The following ADA variants were observed in gnomAD, a reference collection of about 807,000 sequenced individuals.
ADA encodes adenosine deaminase, also known as adenosine aminohydrolase.
ADA carries 45 observed loss-of-function variants against 49.0 expected under a neutral mutation model. The ratio of observed to expected loss-of-function variants is 0.92; its 90% CI spans 0.72 to 1.18. The LOEUF (loss-of-function observed/expected upper bound fraction) is 1.18. Ranked by LOEUF, ADA falls within the 50% of genes most tolerant of loss-of-function variation. ADA has a pLI of 0.00. For missense variants in ADA, 445 were observed against 472.5 expected, an observed-to-expected ratio of 0.94 and a Z score of 0.54; for synonymous variants, 173 against 184.2, an observed-to-expected ratio of 0.94 and a Z score of 0.49.
intron 2 of ADA, among the ~76,000 whole-genome samples, chr20:44,633,882 C>T (rs1410247091): frequency 6.6e-6 from 1 of 152,246 alleles, no homozygotes; most frequent in Non-Finnish European, 1.5e-5. Flanking sequence ...TTGGGCCTAG[C>T]AGGGCTCAGG....
chr20:44,622,729 C>T, intron 8 of ADA, 77 bp from the exon 9 acceptor site: 1 of 1,613,192 alleles, frequency 6.2e-7, no homozygotes, highest in Non-Finnish European at 8.5e-7. Context: ...GGGCCTGGGG[C>T]CACCCCTCGA....
At chr20:44,648,580 G>A (rs1272493511) in intron 1 of ADA, among the ~76,000 whole-genome samples, 1 of 152,056 alleles carries the variant, frequency 6.6e-6, no homozygotes, top group Non-Finnish European at 1.5e-5. Flanking sequence ...AGTGGTTGCG[G>A]TTCTTCTGCT....
intron 1 of ADA, among the ~76,000 whole-genome samples, chr20:44,648,495 A>G (rs1324635325): frequency 6.6e-6 from 1 of 152,068 alleles, no homozygotes; most frequent in Admixed American, 6.5e-5. Flanking sequence ...GTTTTGGGTT[A>G]AATGAAGGTT....
intron 4 of ADA, chr20:44,626,248 C>T (rs1242995116): frequency 1.4e-6 from 1 of 706,112 alleles, no homozygotes; most frequent in Non-Finnish European, 2.4e-6. Context: ...CACTTGTGCC[C>T]AAGGTAAGAA....
intron 1 of ADA, among the ~76,000 whole-genome samples, chr20:44,645,558 G>T (rs1414658393): frequency 6.6e-6 from 1 of 152,028 alleles, no homozygotes; most frequent in Non-Finnish European, 1.5e-5. Context: ...GGAGGCAGAG[G>T]TTGTAGTGAG....
chr20:44,620,639 C>T lies in ADA; in HGVS notation c.976-238G>A. On this transcript the variant is annotated intron_variant, in intron 10 of 11. Transcript: ENST00000372874. ...GGAAGTTGGAGAAACCTTTGAGAGA[C>T]AGGGTGGCATGTAGGGGGCCAGAGA... The T allele has an allele frequency of 1.8e-5, 11 of 601,788 alleles. No individual in the cohort carries two copies. In the South Asian group the frequency reaches 2.1e-4, roughly 11 times the overall value. The allele number at this position is 601,788 out of a possible 1,614,324, so 37.3% of individuals were successfully genotyped here.
At chr20:44,634,862 A>G (rs1487372999) in intron 2 of ADA, among the ~76,000 whole-genome samples, 2 of 152,238 alleles carry the variant, frequency 1.3e-5, no homozygotes, top group Non-Finnish European at 2.9e-5. Flanking sequence ...TATGGAGCAG[A>G]AATGTTCAAA....
chr20:44,643,308 A>G (rs2065555356), intron 1 of ADA, among the ~76,000 whole-genome samples: 2 of 152,210 alleles, frequency 1.3e-5, no homozygotes, highest in African/African-American at 4.8e-5. Flanking sequence ...TCAAAGAAGT[A>G]CCCCAAAACA....
intron 2 of ADA, among the ~76,000 whole-genome samples, chr20:44,634,148 A>G (rs1452179412): frequency 6.6e-6 from 1 of 152,156 alleles, no homozygotes; most frequent in Non-Finnish European, 1.5e-5. Flanking sequence ...GCTGCAGCTG[A>G]TGAGCCCTCC....
At position 44,622,617 on chromosome 20, in the gene ADA, C is replaced by T; in HGVS notation, c.816G>A (p.Trp272Ter). Residue 272 changes from tryptophan (W) to a stop codon, truncating the protein, a stop_gained, in exon 9 of 12, where the codon TGG becomes TGA. Coordinates refer to ENST00000372874, the MANE Select transcript of ADA (RefSeq NM_000022.4). LOFTEE classifies it high-confidence loss of function. ...TGACTGCATGCTCCGTGTCCGGCTT[C>T]CAGGCACCAGTGAGGTAGCTGGACC... ...CPWSSYLTGAWKPDTEHAVIR... is the reference protein window; with the variant it reads ...CPWSSYLTGA 6.2e-7 allele frequency: 1 copy of T among 1,614,258 alleles called. No homozygotes were observed. The highest frequency in any genetic ancestry group is 8.5e-7 in the Non-Finnish European group (1 of 1,180,046).
intron 1 of ADA, among the ~76,000 whole-genome samples, chr20:44,646,515 C>T (rs2065593389): frequency 6.6e-6 from 1 of 150,790 alleles, no homozygotes; most frequent in African/African-American, 2.5e-5. Context: ...CTACTGCAAC[C>T]CCCACTCCAG....
At chr20:44,623,914 CT>C (rs766187117) in intron 6 of ADA, 89 of 453,054 alleles carry the variant, frequency 2.0e-4, no homozygotes, top group Middle Eastern at 6.3e-4. Flanking sequence ...TGCCTGACTA[CT>C]TTTTTTTGTA....
chr20:44,630,004 C>T (rs924993501), intron 2 of ADA, among the ~76,000 whole-genome samples: 1 of 148,958 alleles, frequency 6.7e-6, no homozygotes, highest in Admixed American at 6.7e-5. Context: ...TTTCCCCCCC[C>T]TTTTTTTTTT....
intron 2 of ADA, among the ~76,000 whole-genome samples, chr20:44,632,431 G>A (rs1007824148): frequency 3.3e-5 from 5 of 152,154 alleles, no homozygotes; most frequent in Non-Finnish European, 5.9e-5. Flanking sequence ...TGGCTGCTGC[G>A]TGGGAAACAA....
intron 2 of ADA, among the ~76,000 whole-genome samples, chr20:44,633,606 G>C (rs895321271): frequency 9.9e-5 from 15 of 152,210 alleles, no homozygotes; most frequent in Admixed American, 7.2e-4. Context: ...AGAGAGGAAG[G>C]CCAGAGTAGA....
At chr20:44,636,140 G>T in intron 2 of ADA, 87 bp downstream of exon 2, 1 of 1,223,138 alleles carries the variant, frequency 8.2e-7, no homozygotes, top group South Asian at 1.3e-5. Context: ...AAGGAACAGT[G>T]ACCCTGGAAT....
rs1190381881 is a variant in ADA, at chr20:44,648,335, GCA to G, written c.33+3238_33+3239del. 5.3e-5 allele frequency among the ~76,000 whole-genome samples: 8 copies of G among 152,092 alleles called. 1 individual carries two copies. The highest frequency in any genetic ancestry group is 1.9e-4 in the African/African-American group (8 of 41,338). ...CCCTGACGATGACCCTGCATGGCAG[GCA>G]CACTTGAATGGGTGTTCAGAGTTCT... On this transcript the variant is annotated intron_variant, in intron 1 of 11. Transcript: ENST00000372874.
At position 44,625,698 on chromosome 20, in the gene ADA, G is replaced by T. The variant is rs1412642140; in HGVS notation, c.363-14C>A. 7 of 1,550,528 alleles carry T rather than the reference G, an allele frequency of 4.5e-6. No homozygotes were observed. The highest frequency in any genetic ancestry group is 5.2e-6 in the Non-Finnish European group (6 of 1,144,654). On this transcript the variant is annotated splice_polypyrimidine_tract_variant and intron_variant, in intron 4 of 11. Coordinates refer to ENST00000372874, the MANE Select transcript of ADA (RefSeq NM_000022.4). Reference sequence around the variant, plus strand: ...GTGAGGTCCCCTCTGTGTGAGGAGAGGAGTAGGGATGGGCCTGAGGCAAAA... The same window carrying T: ...GTGAGGTCCCCTCTGTGTGAGGAGATGAGTAGGGATGGGCCTGAGGCAAAA...
At position 44,622,691 on chromosome 20, in the gene ADA, G is replaced by T. The variant is rs767679026; in HGVS notation, c.781-39C>A. 2.5e-6 allele frequency: 4 copies of T among 1,613,802 alleles called. No individual in the cohort carries two copies. The African/African-American group carries it at 5.3e-5, about 22-fold the overall frequency. On this transcript the variant is annotated intron_variant, in intron 8 of 11. Transcript: ENST00000372874. ...TGTGTGGCTGGCAGGGATGGCCCCA[G>T]GCCATGCTGATTCCTCCCCCCATGT...
Sources: gnomAD v4.1 joint callset for allele counts (sites outside exome capture counted in the v4.1 genomes callset) on GRCh38, gnomAD v4.1.1 for gene constraint, MANE v1.5 for transcripts, NCBI Gene and HGNC (gene_info 2026-07-23, HGNC 2026-07-21) for gene names.